The following KIAA1328 variants were observed in gnomAD, a reference collection of about 807,000 sequenced individuals.
KIAA1328 encodes protein hinderin.
In KIAA1328, 52 loss-of-function variants were observed where a neutral mutation model predicts 68.1. The observed-to-expected ratio is 0.76, with a 90% CI of 0.61 to 0.96. The LOEUF (loss-of-function observed/expected upper bound fraction) is 0.96. KIAA1328 is among the 40% of genes least tolerant of loss of function. The pLI is 0.00. For missense variants in KIAA1328, 641 were observed against 677.6 expected (o/e 0.95, Z 0.60); for synonymous variants, 232 against 239.4 (o/e 0.97, Z 0.28).
intron 7 of KIAA1328, among the ~76,000 whole-genome samples, chr18:37,138,948 CTTTTTT>C (rs869053490): frequency 0.014 from 1,068 of 74,082 alleles, 7 homozygotes; most frequent in African/African-American, 0.056. Flanking sequence ...AAATTTTGTT[CTTTTTT>C]TTTTTTTTTT....
chr18:36,871,179 A>G (rs893945840), intron 4 of KIAA1328, among the ~76,000 whole-genome samples: 1 of 152,198 alleles, frequency 6.6e-6, no homozygotes, highest in African/African-American at 2.4e-5. Flanking sequence ...ACTGTGGATA[A>G]CTTACATCAA....
intron 6 of KIAA1328, among the ~76,000 whole-genome samples, chr18:37,047,877 G>T (rs896619012): frequency 2.6e-5 from 4 of 152,042 alleles, no homozygotes; most frequent in Non-Finnish European, 5.9e-5. Flanking sequence ...CATCCTGCCC[G>T]CTCATCTCAA....
intron 4 of KIAA1328, among the ~76,000 whole-genome samples, chr18:36,872,422 A>G (rs1172642215): frequency 1.3e-5 from 2 of 152,204 alleles, no homozygotes; most frequent in Admixed American, 6.5e-5. Context: ...ACCCTCTAAG[A>G]GGAAACTCAT....
At position 37,060,215 on chromosome 18, in the gene KIAA1328, G is replaced by A. The variant is rs558111129; in HGVS notation, c.577-6675G>A. Reference sequence around the variant, plus strand: ...ACAGGCTGTTCTTGGAAAATGTAGGGCATTCAATGGTCAGTGAAGGTGACT... The same window carrying A: ...ACAGGCTGTTCTTGGAAAATGTAGGACATTCAATGGTCAGTGAAGGTGACT... On this transcript the variant is annotated intron_variant, in intron 6 of 9. Transcript: ENST00000280020. Among the ~76,000 whole-genome samples the A allele has an allele frequency of 2.6e-5, 4 of 152,098 alleles. No individual in the cohort carries two copies. The South Asian group carries it at 6.2e-4, about 24-fold the overall frequency.
intron 7 of KIAA1328, among the ~76,000 whole-genome samples, chr18:37,077,141 C>G (rs899096895): frequency 1.1e-4 from 16 of 149,982 alleles, no homozygotes; most frequent in Non-Finnish European, 2.2e-4. Context: ...CCACCATGAT[C>G]AAGTGGGCTT....
At chr18:37,192,894 C>G (rs2059932738) in intron 9 of KIAA1328, among the ~76,000 whole-genome samples, 1 of 152,136 alleles carries the variant, frequency 6.6e-6, no homozygotes, top group African/African-American at 2.4e-5. Context: ...AAAAATATAT[C>G]TGTAGCTTTG....
chr18:36,965,403 AT>A (rs1361908675), intron 6 of KIAA1328, among the ~76,000 whole-genome samples: 1 of 151,218 alleles, frequency 6.6e-6, no homozygotes, highest in Non-Finnish European at 1.5e-5. Flanking sequence ...TGTTATCACT[AT>A]TGCCTCTATA....
intron 7 of KIAA1328, among the ~76,000 whole-genome samples, chr18:37,100,604 G>A (rs1216941934): frequency 1.3e-5 from 2 of 152,214 alleles, no homozygotes; most frequent in African/African-American, 4.8e-5. Flanking sequence ...GCAGGGCATA[G>A]CCAAACAAAA....
chr18:36,869,126 T>C (rs2047857751), intron 4 of KIAA1328, among the ~76,000 whole-genome samples: 1 of 151,822 alleles, frequency 6.6e-6, no homozygotes, highest in Non-Finnish European at 1.5e-5. Context: ...CAATACTGTT[T>C]ATAATGGATT....
chr18:37,108,712 A>G (rs1215983493), intron 7 of KIAA1328, among the ~76,000 whole-genome samples: 2 of 152,128 alleles, frequency 1.3e-5, no homozygotes, highest in African/African-American at 2.4e-5. Flanking sequence ...TTATTCTTAC[A>G]TTCCATACTA....
chr18:37,026,067 A>C (rs2054565925), intron 6 of KIAA1328, among the ~76,000 whole-genome samples: 1 of 152,212 alleles, frequency 6.6e-6, no homozygotes, highest in Non-Finnish European at 1.5e-5. Flanking sequence ...CAGAAATACA[A>C]ACTGCCATCA....
chr18:36,970,344 A>G (rs1598853768), intron 6 of KIAA1328, among the ~76,000 whole-genome samples: 1 of 152,228 alleles, frequency 6.6e-6, no homozygotes, highest in Non-Finnish European at 1.5e-5. Flanking sequence ...CCCACAGCCA[A>G]TATCATACTG....
At chr18:36,905,517 A>G (rs560151447) in intron 5 of KIAA1328, among the ~76,000 whole-genome samples, 1 of 152,260 alleles carries the variant, frequency 6.6e-6, no homozygotes, top group East Asian at 1.9e-4. Context: ...ACTTTCATTA[A>G]TAGTTATTGT....
intron 8 of KIAA1328, among the ~76,000 whole-genome samples, chr18:37,162,498 G>A (rs956365198): frequency 3.3e-5 from 5 of 152,136 alleles, no homozygotes; most frequent in Admixed American, 6.6e-5. Flanking sequence ...CACAGCTAGT[G>A]TATGCAGATT....
intron 4 of KIAA1328, among the ~76,000 whole-genome samples, chr18:36,871,995 C>T (rs1399990060): frequency 1.3e-5 from 2 of 152,078 alleles, no homozygotes; most frequent in Non-Finnish European, 2.9e-5. Flanking sequence ...CAATCTTGCT[C>T]GATGCCTGGG....
intron 5 of KIAA1328, among the ~76,000 whole-genome samples, chr18:36,905,970 G>A (rs1325378735): frequency 6.6e-6 from 1 of 152,042 alleles, no homozygotes; most frequent in Non-Finnish European, 1.5e-5. Flanking sequence ...TGCCAGTATA[G>A]GTTTATAGTG....
intron 6 of KIAA1328, among the ~76,000 whole-genome samples, chr18:37,024,098 C>T (rs1223754994): frequency 6.6e-6 from 1 of 152,046 alleles, no homozygotes; most frequent in Non-Finnish European, 1.5e-5. Flanking sequence ...TGGGTTCAAG[C>T]ACTCCTCCTG....
intron 7 of KIAA1328, among the ~76,000 whole-genome samples, chr18:37,077,512 G>A (rs1341053518): frequency 6.6e-6 from 1 of 150,530 alleles, no homozygotes; most frequent in African/African-American, 2.5e-5. Flanking sequence ...GAAATAAAGG[G>A]TATTCAATTT....
In KIAA1328 at chr18:37,095,448, G is replaced by A. The variant is rs560122374; in HGVS notation, c.1232+27903G>A. 1.4e-4 allele frequency among the ~76,000 whole-genome samples: 22 copies of A among 152,176 alleles called. 1 individual carries two copies. In the South Asian group the frequency reaches 4.1e-3, roughly 29 times the overall value. On this transcript the variant is annotated intron_variant, in intron 7 of 9. Transcript: ENST00000280020. ...AGGAACTATAAAAAAATGTACATAT[G>A]TACAGAAATTAAACAACATGCTCCC... is the stretch of plus-strand genomic sequence containing the variant.
Sources: allele counts gnomAD v4.1 joint callset (sites outside exome capture counted in the v4.1 genomes callset), GRCh38; gene constraint gnomAD v4.1.1; transcripts MANE v1.5; gene names NCBI Gene and HGNC (gene_info 2026-07-23, HGNC 2026-07-21).